Variants in VPS13B observed in about 807,000 individuals in gnomAD.
VPS13B encodes the protein vacuolar protein sorting 13 homolog B.
Under a neutral mutation model 426.4 loss-of-function variants are expected in VPS13B, and 285 were observed. The ratio of observed to expected loss-of-function variants is 0.67; its 90% CI spans 0.61 to 0.74. The LOEUF is 0.74. VPS13B is among the 30% of genes least tolerant of loss of function. The pLI is 0.00. For missense variants in VPS13B, 4,537 were observed against 4,782.6 expected (o/e 0.95, Z 1.51); for synonymous variants, 1,676 against 1,676.4 (o/e 1.00, Z 0.01).
rs528405408 is a variant in VPS13B, at chr8:99,260,322, A to T, written c.2516-13876A>T. Among the ~76,000 whole-genome samples, 15 of 152,204 alleles carry T rather than the reference A, an allele frequency of 9.9e-5. No individual in the cohort carries two copies. The South Asian group carries it at 1.5e-3, about 15-fold the overall frequency. ...GACTTTTTTTCCCCTGACAAAATAG[A>T]TGTGAGATGTGAATCTTCAGACCTG... On this transcript the variant is annotated intron_variant, in intron 17 of 61. Coordinates refer to ENST00000357162, the MANE Select transcript of VPS13B (RefSeq NM_152564.5).
chr8:99,494,858 A>G (rs1386934120), intron 25 of VPS13B, among the ~76,000 whole-genome samples: 1 of 151,940 alleles, frequency 6.6e-6, no homozygotes, highest in Non-Finnish European at 1.5e-5. Context: ...TTCTGTACAG[A>G]TAGCCAAAGA....
intron 30 of VPS13B, among the ~76,000 whole-genome samples, chr8:99,549,449 TC>T (rs1824159276): frequency 6.6e-6 from 1 of 152,150 alleles, no homozygotes; most frequent in South Asian, 2.1e-4. Flanking sequence ...GGGTTTTTTT[TC>T]CTGACAATTT....
chr8:99,764,355 C>G (rs1811095108), intron 39 of VPS13B, among the ~76,000 whole-genome samples: 1 of 150,930 alleles, frequency 6.6e-6, no homozygotes, highest in African/African-American at 2.4e-5. Context: ...TGTTCTCATC[C>G]TAAACAAAAT....
chr8:99,835,471 T>G, intron 53 of VPS13B, 68 bp from the exon 54 acceptor site: 1 of 1,551,702 alleles, frequency 6.4e-7, no homozygotes, highest in Non-Finnish European at 8.9e-7. Context: ...TTTTGCCACA[T>G]TATGTTCTGT....
intron 21 of VPS13B, among the ~76,000 whole-genome samples, chr8:99,399,980 T>G (rs1188238005): frequency 6.6e-6 from 1 of 152,206 alleles, no homozygotes; most frequent in East Asian, 1.9e-4. Context: ...TTCTTGGTCC[T>G]TACATCTTTG....
intron 3 of VPS13B, among the ~76,000 whole-genome samples, chr8:99,063,061 T>C (rs1321368404): frequency 6.6e-6 from 1 of 152,240 alleles, no homozygotes; most frequent in East Asian, 1.9e-4. Context: ...GTGAAATGAA[T>C]TATTGTAATC....
chr8:99,234,450 C>A, intron 17 of VPS13B: 2 of 634,498 alleles, frequency 3.2e-6, no homozygotes, highest in South Asian at 2.8e-5. Flanking sequence ...CCATGCAATT[C>A]CACTTTACCT....
At chr8:99,293,711 C>A (rs1398846960) in intron 19 of VPS13B, among the ~76,000 whole-genome samples, 4 of 152,048 alleles carry the variant, frequency 2.6e-5, no homozygotes, top group African/African-American at 9.7e-5. Flanking sequence ...AAACAAACAA[C>A]CCCATCAAAA....
intron 21 of VPS13B, among the ~76,000 whole-genome samples, chr8:99,403,631 A>G (rs1052879900): frequency 1.3e-5 from 2 of 151,846 alleles, no homozygotes; most frequent in African/African-American, 4.8e-5. Flanking sequence ...GACAGTCACT[A>G]TGGTCAGGAA....
chr8:99,083,535 A>G lies in VPS13B; in HGVS notation c.292-12777A>G, dbSNP rs576255252. ...AGAGAGGGCATCCCTGTCTTGTGCC[A>G]GTTTTCAAAGGGAATGCTTCCAGTT... On this transcript the variant is annotated intron_variant, in intron 3 of 61. Transcript: ENST00000357162. Among the ~76,000 whole-genome samples the G allele has an allele frequency of 2.8e-3, 409 of 148,296 alleles. 2 individuals are homozygous for G. The highest frequency in any genetic ancestry group is 9.8e-3 in the African/African-American group (390 of 39,976).
chr8:99,671,124 TC>T (rs1830700997), intron 35 of VPS13B, among the ~76,000 whole-genome samples: 1 of 152,178 alleles, frequency 6.6e-6, no homozygotes, highest in African/African-American at 2.4e-5. Context: ...GATTTCCTTT[TC>T]TCCACATCCT....
chr8:99,014,039 T>C, intron 2 of VPS13B, 104 bp downstream of exon 2: 2 of 1,484,304 alleles, frequency 1.3e-6, no homozygotes, highest in Non-Finnish European at 1.9e-6. Flanking sequence ...ACGTAACTTT[T>C]CTACTGATGT....
Position 99,471,993 on chromosome 8 carries a change from A to G in VPS13B, c.3666+4359A>G, listed in dbSNP as rs190406545. ...ATAAAGAAACGTTATAAATAGATGC[A>G]TAGTAAAAGATACACCATACAAACA... On this transcript the variant is annotated intron_variant, in intron 24 of 61. Transcript: ENST00000357162. 5.8e-4 allele frequency among the ~76,000 whole-genome samples: 89 copies of G among 152,306 alleles called. 3 individuals carry two copies. Among genetic ancestry groups the G allele is most frequent in the Admixed American group, 5.1e-3 (78 of 15,292 alleles).
In VPS13B at chr8:99,859,301, C is replaced by T; in HGVS notation, c.10868-3C>T. On this transcript the variant is annotated splice_region_variant and splice_polypyrimidine_tract_variant and intron_variant, in intron 56 of 61. Coordinates refer to ENST00000357162, the MANE Select transcript of VPS13B (RefSeq NM_152564.5). ...ATCACCCCTTCCCTCTTGTGCGTTGCAGGCTGGGTAGTTGGGTCTCTGGAT... is the reference window on the plus strand; with the variant it reads ...ATCACCCCTTCCCTCTTGTGCGTTGTAGGCTGGGTAGTTGGGTCTCTGGAT... 1 of 1,613,422 alleles carries T rather than the reference C, an allele frequency of 6.2e-7. No homozygotes were observed. Among genetic ancestry groups the T allele is most frequent in the Admixed American group, 1.7e-5 (1 of 60,004 alleles).
chr8:99,509,138 G>A (rs773794642), intron 28 of VPS13B, among the ~76,000 whole-genome samples: 5 of 152,118 alleles, frequency 3.3e-5, no homozygotes, highest in Non-Finnish European at 5.9e-5. Context: ...CAACATCACT[G>A]TGATCACTGT....
At chr8:99,599,210 C>T (rs1194955667) in intron 33 of VPS13B, among the ~76,000 whole-genome samples, 1 of 151,952 alleles carries the variant, frequency 6.6e-6, no homozygotes, top group Admixed American at 6.6e-5. Flanking sequence ...CTCAGTCAGC[C>T]CCTGTCCTCT....
Position 99,642,231 on chromosome 8 carries a change from T to G in VPS13B, c.5641T>G (p.Ser1881Ala). The part of the protein sequence containing the change: ...TAEDLLRSSI[S>A]FPSGKKIGVL... ...AGAAGATCTCTTAAGGAGCAGCATT[T>G]CTTTTCCTTCAGGGAAAAAAATAGG... The change falls in exon 34 of 62, where the codon TCT becomes GCT. Residue 1881 changes from serine (S) to alanine (A), a missense_variant. Coordinates refer to ENST00000357162, the MANE Select transcript of VPS13B (RefSeq NM_152564.5). 6.2e-7 allele frequency: 1 copy of G among 1,614,166 alleles called. No individual in the cohort carries two copies. Among genetic ancestry groups the G allele is most frequent in the Non-Finnish European group, 8.5e-7 (1 of 1,180,022 alleles).
At chr8:99,396,401 G>T (rs929435638) in intron 21 of VPS13B, among the ~76,000 whole-genome samples, 1 of 152,004 alleles carries the variant, frequency 6.6e-6, no homozygotes, top group African/African-American at 2.4e-5. Flanking sequence ...TATAGGAAGA[G>T]ATCAAGCAAC....
Position 99,158,390 on chromosome 8 carries a change from G to A in VPS13B, c.2208+1647G>A, listed in dbSNP as rs367841526. ...TACTAAAGATACAAAAAAATTAGCCGGGTGTGGTGGTGTGTGCCTGTAATC... is the reference window on the plus strand; with the variant it reads ...TACTAAAGATACAAAAAAATTAGCCAGGTGTGGTGGTGTGTGCCTGTAATC... On this transcript the variant is annotated intron_variant, in intron 15 of 61. Coordinates refer to ENST00000357162, the MANE Select transcript of VPS13B (RefSeq NM_152564.5). Among the ~76,000 whole-genome samples the A allele has an allele frequency of 5.3e-5, 8 of 151,914 alleles. No homozygotes were observed. In the South Asian group the frequency reaches 8.3e-4, roughly 16 times the overall value.
Sources: gnomAD v4.1 joint callset for allele counts (sites outside exome capture counted in the v4.1 genomes callset) on GRCh38, gnomAD v4.1.1 for gene constraint, MANE v1.5 for transcripts, NCBI Gene and HGNC (gene_info 2026-07-23, HGNC 2026-07-21) for gene names.